The following CFAP119 variants were observed in gnomAD, a reference collection of about 807,000 sequenced individuals.
CFAP119 encodes the protein cilia and flagella associated protein 119, also known as cilia- and flagella-associated protein 119.
At chr16:30,761,326 A>G in the CFAP119 span, 2 of 1,546,990 alleles carry the variant, frequency 1.3e-6, no homozygotes, top group Non-Finnish European at 1.8e-6. Flanking sequence ...TTGCCATCTC[A>G]TCTCAAGGAC....
chr16:30,757,657 G>A, the CFAP119 span: 2 of 1,608,720 alleles, frequency 1.2e-6, no homozygotes. Context: ...GATGTGGCCT[G>A]CAGGGGCAGG....
At chr16:30,760,329 A>C in the CFAP119 span, 1 of 1,614,226 alleles carries the variant, frequency 6.2e-7, no homozygotes, top group East Asian at 2.2e-5. Flanking sequence ...CAAGCCGCTG[A>C]CGTCTGCTCC....
the CFAP119 span, chr16:30,757,828 A>G: frequency 4.2e-6 from 6 of 1,412,900 alleles, no homozygotes; most frequent in African/African-American, 1.4e-5. Flanking sequence ...GTAGTTGGGT[A>G]GGGTGGCTAT....
the CFAP119 span, chr16:30,761,596 C>T: frequency 6.5e-7 from 1 of 1,536,182 alleles, no homozygotes; most frequent in Non-Finnish European, 8.7e-7. Flanking sequence ...CCGCCGCCGT[C>T]GTCCACTGAG....
the CFAP119 span, chr16:30,761,872 CG>C: frequency 3.2e-6 from 3 of 939,712 alleles, no homozygotes; most frequent in Non-Finnish European, 4.5e-6. Context: ...AATCTACGCG[CG>C]GAGAGGCGCG....
chr16:30,760,592 C>T, the CFAP119 span: 2 of 1,560,132 alleles, frequency 1.3e-6, no homozygotes, highest in Non-Finnish European at 8.7e-7. Flanking sequence ...TCCCACGCCC[C>T]CCTCAGTCCC....
chr16:30,759,742 A>G, the CFAP119 span: 3 of 1,597,030 alleles, frequency 1.9e-6, no homozygotes, highest in East Asian at 4.5e-5. Context: ...GGAAAGCAAG[A>G]TGCAGCAGTG....
chr16:30,760,404 C>A, the CFAP119 span: 2 of 1,614,064 alleles, frequency 1.2e-6, no homozygotes, highest in East Asian at 2.2e-5. Context: ...GTGATGGCGT[C>A]CCTCAGGCTC....
the CFAP119 span, chr16:30,757,620 G>A: frequency 6.2e-7 from 1 of 1,613,908 alleles, no homozygotes; most frequent in African/African-American, 1.3e-5. Flanking sequence ...TGTTCACTTG[G>A]GTCTTGATGT....
the CFAP119 span, chr16:30,757,773 A>G: frequency 4.6e-5 from 66 of 1,443,972 alleles, no homozygotes; most frequent in African/African-American, 7.1e-4. Context: ...AGAGGTAGCA[A>G]TGTTGTTTCC....
chr16:30,761,400 A>G, the CFAP119 span: 1 of 1,386,594 alleles, frequency 7.2e-7, no homozygotes, highest in Non-Finnish European at 1.0e-6. Flanking sequence ...GAGCACAGTA[A>G]CCACCGGGGT....
chr16:30,759,048 CCT>C, the CFAP119 span: 243 of 1,614,220 alleles, frequency 1.5e-4, 1 homozygote, highest in Middle Eastern at 2.1e-3. Context: ...GTCTCTAGTT[CCT>C]CTTTCTGCGG....
the CFAP119 span, chr16:30,759,934 T>G: frequency 1.4e-6 from 2 of 1,441,476 alleles, no homozygotes; most frequent in Non-Finnish European, 1.8e-6. Context: ...GACAAGGTCC[T>G]GCCCTTACGA....
the CFAP119 span, chr16:30,758,933 G>A: frequency 6.4e-7 from 1 of 1,557,768 alleles, no homozygotes; most frequent in Non-Finnish European, 8.7e-7. Flanking sequence ...CAAAAAGTCT[G>A]AAGTCCTGAT....
the CFAP119 span, chr16:30,759,145 C>G: frequency 6.2e-7 from 1 of 1,614,202 alleles, no homozygotes. Flanking sequence ...CAGGCCTGGC[C>G]CAGCCCAGCC....
At chr16:30,761,004 G>A in the CFAP119 span, 3 of 641,818 alleles carry the variant, frequency 4.7e-6, no homozygotes, top group Non-Finnish European at 8.0e-6. Flanking sequence ...TCTGTCTTTG[G>A]CTCTTTTTTT....
the CFAP119 span, chr16:30,760,309 G>A: frequency 6.2e-7 from 1 of 1,614,066 alleles, no homozygotes; most frequent in African/African-American, 1.3e-5. Flanking sequence ...GAAGATCCTG[G>A]AGCAGGGCAC....
At chr16:30,761,819 G>T in the CFAP119 span, 22 of 1,390,402 alleles carry the variant, frequency 1.6e-5, no homozygotes, top group Non-Finnish European at 2.0e-5. Context: ...CCAGCGCTCG[G>T]TCGGCGGCTA....
the CFAP119 span, chr16:30,758,982 C>T: frequency 1.4e-5 from 23 of 1,613,246 alleles, no homozygotes; most frequent in Non-Finnish European, 1.8e-5. Flanking sequence ...CTCAGAGGGA[C>T]AGGGCAGCCT....
Sources: allele counts gnomAD v4.1 joint callset, GRCh38; gene constraint gnomAD v4.1.1; transcripts MANE v1.5; gene names NCBI Gene and HGNC (gene_info 2026-07-23, HGNC 2026-07-21).